Variants in TMEM132C observed in about 807,000 individuals in gnomAD.
TMEM132C encodes the protein protein phosphatase 1, regulatory subunit 152.
Under a neutral mutation model 61.4 loss-of-function variants are expected in TMEM132C, and 29 were observed. That is an observed-to-expected ratio of 0.47 (90% CI 0.35 to 0.64). TMEM132C has a LOEUF of 0.64. TMEM132C is among the 30% of genes least tolerant of loss of function. TMEM132C has a pLI of 0.00. For synonymous variants in TMEM132C, 656 were observed against 633.1 expected (o/e 1.04, Z -0.54); for missense variants, 1,408 against 1,476.9 (o/e 0.95, Z 0.76).
chr12:128,677,937 C>T (rs1423844335), intron 5 of TMEM132C, among the ~76,000 whole-genome samples: 1 of 152,230 alleles, frequency 6.6e-6, no homozygotes, highest in Non-Finnish European at 1.5e-5. Context: ...GGAGAGCAAC[C>T]TTGCTCAGCC....
intron 5 of TMEM132C, among the ~76,000 whole-genome samples, chr12:128,687,475 T>C (rs1335711590): frequency 6.6e-6 from 1 of 152,124 alleles, no homozygotes; most frequent in East Asian, 1.9e-4. Context: ...TTGCCCAGAC[T>C]GAGATCCACC....
chr12:128,315,614 T>C (rs1006818914), intron 1 of TMEM132C, among the ~76,000 whole-genome samples: 5 of 152,170 alleles, frequency 3.3e-5, no homozygotes, highest in Non-Finnish European at 7.3e-5. Context: ...GAGATGTGTG[T>C]CTCAGTGCAC....
chr12:128,614,938 C>T (rs11059792), intron 3 of TMEM132C, among the ~76,000 whole-genome samples: 4,430 of 152,254 alleles, frequency 0.029, 346 homozygotes, highest in East Asian at 0.22. Context: ...TGTCACCCCT[C>T]GGCATGATGA....
chr12:128,577,246 A>G (rs1000157274), intron 3 of TMEM132C, among the ~76,000 whole-genome samples: 1 of 152,208 alleles, frequency 6.6e-6, no homozygotes, highest in African/African-American at 2.4e-5. Flanking sequence ...ATATGATAGC[A>G]TGTATCAGTA....
At chr12:128,273,629 C>T (rs1204962485) in intron 1 of TMEM132C, among the ~76,000 whole-genome samples, 2 of 151,922 alleles carry the variant, frequency 1.3e-5, no homozygotes, top group Non-Finnish European at 2.9e-5. Flanking sequence ...CTTTCCCTAC[C>T]AGCTTTTATA....
chr12:128,691,453 C>A (rs1954718605), intron 5 of TMEM132C, among the ~76,000 whole-genome samples: 1 of 152,218 alleles, frequency 6.6e-6, no homozygotes, highest in African/African-American at 2.4e-5. Flanking sequence ...GTGTGTGCTT[C>A]CATCCATCAG....
chr12:128,453,142 G>A (rs6486652), intron 2 of TMEM132C, among the ~76,000 whole-genome samples: 45,307 of 152,050 alleles, frequency 0.3, 9,859 homozygotes, highest in African/African-American at 0.61. Flanking sequence ...GAGTGTCCCT[G>A]CGAAGGTGGT....
intron 1 of TMEM132C, among the ~76,000 whole-genome samples, chr12:128,398,849 A>G (rs527766067): frequency 1.1e-3 from 171 of 148,930 alleles, no homozygotes; most frequent in Non-Finnish European, 1.6e-3. Context: ...AGGTGTCACA[A>G]GGATAAAAGA....
intron 3 of TMEM132C, among the ~76,000 whole-genome samples, chr12:128,597,744 A>G (rs888682554): frequency 4.6e-5 from 7 of 152,214 alleles, no homozygotes; most frequent in African/African-American, 1.2e-4. Flanking sequence ...AAGATTTCCA[A>G]TGGTGTTAAG....
intron 3 of TMEM132C, among the ~76,000 whole-genome samples, chr12:128,585,946 A>G (rs148139644): frequency 1.3e-5 from 2 of 152,296 alleles, no homozygotes; most frequent in African/African-American, 4.8e-5. Context: ...TTACAAGATG[A>G]AAGTTGTTCT....
rs374760970 is a variant in TMEM132C, at chr12:128,415,446, A to G, written c.800A>G (p.Gln267Arg). ...DGLEETTSHL[Q>R]RIGTVGLYRA... ...CTGGAGGAAACCACGTCCCACCTGC[A>G]GAGGATCGGCACCGTCGGCCTTTAC... The change falls in exon 2 of 9, where the codon CAG becomes CGG. Residue 267 changes from glutamine (Q) to arginine (R), a missense_variant. By Grantham distance (43) the Gln-to-Arg change is conservative. Coordinates refer to ENST00000435159, the MANE Select transcript of TMEM132C (RefSeq NM_001136103.3). This position sits in a 1 kb window ranked among gnomAD's most constrained non-coding sequence, Gnocchi z 5.8. The G allele has an allele frequency of 4.5e-4, 701 of 1,551,708 alleles. 1 individual carries two copies. The highest frequency in any genetic ancestry group is 5.9e-4 in the Non-Finnish European group (675 of 1,146,970).
intron 2 of TMEM132C, among the ~76,000 whole-genome samples, chr12:128,519,377 C>T (rs1225676492): frequency 6.6e-6 from 1 of 152,188 alleles, no homozygotes; most frequent in African/African-American, 2.4e-5. Context: ...CCTGAATGAA[C>T]CACGATAAGT....
At chr12:128,656,293 T>C (rs1954324894) in intron 4 of TMEM132C, among the ~76,000 whole-genome samples, 1 of 152,270 alleles carries the variant, frequency 6.6e-6, no homozygotes, top group South Asian at 2.1e-4. Flanking sequence ...TCAAGTGATC[T>C]GTCCACCTCG....
Position 128,372,287 on chromosome 12 carries a change from G to A in TMEM132C, c.86-42445G>A, listed in dbSNP as rs138217246. ...GATCCTTACCTTTAAAATTATGTGC[G>A]TGTGTCTGTGTGTGTGCGCATCTGT... is the stretch of plus-strand genomic sequence containing the variant. On this transcript the variant is annotated intron_variant, in intron 1 of 8. Transcript: ENST00000435159. 3.7e-3 allele frequency among the ~76,000 whole-genome samples: 571 copies of A among 152,272 alleles called. 8 individuals carry two copies. Among genetic ancestry groups the A allele is most frequent in the African/African-American group, 0.013 (547 of 41,556 alleles).
At chr12:128,458,603 G>A (rs958530624) in intron 2 of TMEM132C, among the ~76,000 whole-genome samples, 1 of 152,124 alleles carries the variant, frequency 6.6e-6, no homozygotes, top group Non-Finnish European at 1.5e-5. Context: ...AATGGGACAG[G>A]AAGGGCTCAT....
In TMEM132C at chr12:128,431,550, C is replaced by CTTTTTTT. The variant is rs386378189; in HGVS notation, c.974+15946_974+15952dup. Among the ~76,000 whole-genome samples, 38 of 98,884 alleles carry CTTTTTTT rather than the reference C, an allele frequency of 3.8e-4. 3 individuals are homozygous for CTTTTTTT. The highest frequency in any genetic ancestry group is 9.6e-4 in the East Asian group (3 of 3,120). 64.9% of individuals were successfully genotyped at this position (98,884 alleles called of 152,430 possible). A position where few individuals can be genotyped will look rare whatever the true frequency, so the allele number is the denominator to read the frequency against. ...TCTTGGATGACGATCCCATCTAGGA[C>CTTTTTTT]TTTTTTTTTTTTTTTTTTTTTTGAG... is the stretch of plus-strand genomic sequence containing the variant. On this transcript the variant is annotated intron_variant, in intron 2 of 8. Coordinates refer to ENST00000435159, the MANE Select transcript of TMEM132C (RefSeq NM_001136103.3).
chr12:128,403,498 C>T (rs1363191683), intron 1 of TMEM132C, among the ~76,000 whole-genome samples: 6 of 152,132 alleles, frequency 3.9e-5, no homozygotes, highest in Admixed American at 3.9e-4. Context: ...CCCTTACCCC[C>T]AACATTTCTG....
At chr12:128,477,017 TG>T (rs574245667) in intron 2 of TMEM132C, among the ~76,000 whole-genome samples, 79 of 152,294 alleles carry the variant, frequency 5.2e-4, no homozygotes, top group Non-Finnish European at 8.8e-4. Flanking sequence ...GCTTTCTGCT[TG>T]TGGTTTGCTT....
intron 2 of TMEM132C, among the ~76,000 whole-genome samples, chr12:128,501,430 A>C (rs1325968958): frequency 6.6e-6 from 1 of 152,182 alleles, no homozygotes; most frequent in Middle Eastern, 3.2e-3. Context: ...AATAATCCAA[A>C]TTCATCATAG....
Sources: allele counts gnomAD v4.1 joint callset (sites outside exome capture counted in the v4.1 genomes callset), GRCh38; gene constraint gnomAD v4.1.1; non-coding constraint Gnocchi (gnomAD v3.1); transcripts MANE v1.5; gene names NCBI Gene and HGNC (gene_info 2026-07-23, HGNC 2026-07-21).